The following HDAC4 variants were observed in gnomAD, a reference collection of about 807,000 sequenced individuals.
The protein encoded by HDAC4 is histone deacetylase 4.
HDAC4 carries 16 observed loss-of-function variants against 135.1 expected under a neutral mutation model. The ratio of observed to expected loss-of-function variants is 0.12; its 90% CI spans 0.08 to 0.18. The LOEUF is 0.18. HDAC4 is among the 10% of genes least tolerant of loss of function. The pLI, the probability that HDAC4 is intolerant of heterozygous loss-of-function variation, is 1.00. For synonymous variants in HDAC4, 685 were observed against 653.4 expected (o/e 1.05, Z -0.74); for missense variants, 1,143 against 1,511.8 (o/e 0.76, Z 4.05).
chr2:239,065,653 G>T (rs2033376120), intron 24 of HDAC4, among the ~76,000 whole-genome samples: 1 of 152,198 alleles, frequency 6.6e-6, no homozygotes, highest in Non-Finnish European at 1.5e-5. Flanking sequence ...GGCACAGGAG[G>T]CAGACTCCCA....
At chr2:239,235,672 A>C (rs2047846624) in intron 3 of HDAC4, among the ~76,000 whole-genome samples, 1 of 152,242 alleles carries the variant, frequency 6.6e-6, no homozygotes, top group African/African-American at 2.4e-5. Flanking sequence ...TTCTATGTGG[A>C]AACGGGTTTT....
chr2:239,191,444 C>T (rs2044948951), intron 3 of HDAC4, among the ~76,000 whole-genome samples: 1 of 152,258 alleles, frequency 6.6e-6, no homozygotes, highest in African/African-American at 2.4e-5. Context: ...CCATAGGTGG[C>T]AGCTGCCCCT....
At position 239,096,937 on chromosome 2, in the gene HDAC4, G is replaced by T. The variant is rs576851783; in HGVS notation, c.2234-1881C>A. On this transcript the variant is annotated intron_variant, in intron 16 of 26. Transcript: ENST00000543185. ...GCTGGGGAGCTGCCATGCCAACAGGGAGCAGGGCAGGAGGCAGGAGGCAGG... is the reference window on the plus strand; with the variant it reads ...GCTGGGGAGCTGCCATGCCAACAGGTAGCAGGGCAGGAGGCAGGAGGCAGG... Among the ~76,000 whole-genome samples, 4 of 152,290 alleles carry T rather than the reference G, an allele frequency of 2.6e-5. No homozygotes were observed. In the South Asian group the frequency reaches 8.3e-4, roughly 32 times the overall value.
intron 2 of HDAC4, among the ~76,000 whole-genome samples, chr2:239,290,836 A>C (rs1482437560): frequency 6.6e-6 from 1 of 152,210 alleles, no homozygotes. Flanking sequence ...GGCCTGGCCC[A>C]CCTGAAAGTC....
chr2:239,067,058 G>C, intron 23 of HDAC4: 1 of 644,712 alleles, frequency 1.6e-6, no homozygotes, highest in South Asian at 1.9e-5. Context: ...AGGAATTATG[G>C]CTTCAATGCT....
At chr2:239,136,816 G>A (rs2040992816) in intron 9 of HDAC4, among the ~76,000 whole-genome samples, 1 of 152,186 alleles carries the variant, frequency 6.6e-6, no homozygotes, top group South Asian at 2.1e-4. Flanking sequence ...CACTCAGGCT[G>A]TTCCTACAGA....
rs151124326 is a variant in HDAC4, at chr2:239,089,338, G to A, written c.2388+671C>T. Among the ~76,000 whole-genome samples the A allele has an allele frequency of 5.9e-3, 897 of 151,966 alleles. 14 individuals carry two copies. The highest frequency in any genetic ancestry group is 0.021 in the African/African-American group (856 of 41,438). ...TTTTTTATTACTTTTTAATTTTTTA[G>A]TTTTTTTTGAGACGGAGTCTCACTC... On this transcript the variant is annotated intron_variant, in intron 18 of 26. Coordinates refer to ENST00000543185, the MANE Select transcript of HDAC4 (RefSeq NM_001378414.1).
At chr2:239,077,425 C>T (rs145650631) in intron 22 of HDAC4, among the ~76,000 whole-genome samples, 200 of 152,374 alleles carry the variant, frequency 1.3e-3, no homozygotes, top group Non-Finnish European at 2.2e-3. Flanking sequence ...GCTTGTCCTC[C>T]CAGTCCCCCG....
chr2:239,312,349 G>A (rs1024468899), intron 2 of HDAC4, among the ~76,000 whole-genome samples: 2 of 152,194 alleles, frequency 1.3e-5, no homozygotes, highest in Non-Finnish European at 2.9e-5. Flanking sequence ...GCCGCCAAGA[G>A]GCCTGCTGCC....
At chr2:239,074,998 C>T (rs1429454022) in intron 22 of HDAC4, among the ~76,000 whole-genome samples, 44 of 151,970 alleles carry the variant, frequency 2.9e-4, no homozygotes, top group Non-Finnish European at 3.7e-4. Flanking sequence ...CCGAGGCAGG[C>T]GGATCATGAG....
chr2:239,374,671 G>A (rs1226792421), intron 1 of HDAC4, among the ~76,000 whole-genome samples: 3 of 152,146 alleles, frequency 2.0e-5, no homozygotes, highest in African/African-American at 7.2e-5. Flanking sequence ...CCAAAGTGCT[G>A]GGATTACAGG....
At chr2:239,210,327 C>CAAAAACAAAA (rs1428654095) in intron 3 of HDAC4, among the ~76,000 whole-genome samples, 4 of 151,848 alleles carry the variant, frequency 2.6e-5, no homozygotes, top group African/African-American at 9.7e-5. Context: ...ACACAAAAAA[C>CAAAAACAAAA]AAAAACAAAA....
At position 239,262,363 on chromosome 2, in the gene HDAC4, G is replaced by A. The variant is rs920343836; in HGVS notation, c.23-25699C>T. On this transcript the variant is annotated intron_variant, in intron 2 of 26. Transcript: ENST00000543185. The surrounding 1 kb of genome is among the most constrained non-coding windows in gnomAD (Gnocchi z 4.1). Reference sequence around the variant, plus strand: ...TAGCAATTTGGTTCTCTGCGGAATCGTAAGTGGAAGGGATGTATTTTCCTT... The same window carrying A: ...TAGCAATTTGGTTCTCTGCGGAATCATAAGTGGAAGGGATGTATTTTCCTT... 1.1e-4 allele frequency among the ~76,000 whole-genome samples: 17 copies of A among 152,314 alleles called. No homozygotes were observed. The highest frequency in any genetic ancestry group is 2.9e-4 in the African/African-American group (12 of 41,576).
chr2:239,123,614 C>T (rs1465162015), intron 12 of HDAC4, among the ~76,000 whole-genome samples: 2 of 152,262 alleles, frequency 1.3e-5, no homozygotes, highest in Non-Finnish European at 2.9e-5. Context: ...CCTTCCCCGA[C>T]TCAGCCCCAC....
chr2:239,379,700 G>A (rs1017990393), intron 1 of HDAC4, among the ~76,000 whole-genome samples: 21 of 152,186 alleles, frequency 1.4e-4, no homozygotes, highest in African/African-American at 5.1e-4. Flanking sequence ...CAGCCCCAAG[G>A]AGCCCCAGGG....
chr2:239,159,469 T>C, intron 6 of HDAC4, among the ~76,000 whole-genome samples: 1 of 95,230 alleles, frequency 1.1e-5, no homozygotes, highest in East Asian at 3.5e-4. Flanking sequence ...TCACACCCAC[T>C]TACACGCACA....
chr2:239,391,092 C>G (rs749978100), intron 1 of HDAC4, among the ~76,000 whole-genome samples: 6 of 152,196 alleles, frequency 3.9e-5, no homozygotes, highest in Non-Finnish European at 5.9e-5. Flanking sequence ...CGATACGAAT[C>G]ACACTGTGGC....
intron 2 of HDAC4, among the ~76,000 whole-genome samples, chr2:239,286,098 A>C (rs2051120981): frequency 1.3e-5 from 2 of 152,230 alleles, no homozygotes; most frequent in African/African-American, 4.8e-5. Flanking sequence ...CTTTCAAAGA[A>C]TCTCTTAATG....
At chr2:239,288,158 A>C (rs1354239282) in intron 2 of HDAC4, among the ~76,000 whole-genome samples, 1 of 152,218 alleles carries the variant, frequency 6.6e-6, no homozygotes, top group African/African-American at 2.4e-5. Context: ...CAAAGTATGA[A>C]AATGACAAGA....
Sources: gnomAD v4.1 joint callset for allele counts (sites outside exome capture counted in the v4.1 genomes callset) on GRCh38, gnomAD v4.1.1 for gene constraint, Gnocchi (gnomAD v3.1) non-coding constraint, MANE v1.5 for transcripts, NCBI Gene and HGNC (gene_info 2026-07-23, HGNC 2026-07-21) for gene names.